Variants in AEBP1 observed in about 807,000 individuals in gnomAD.
AEBP1 encodes adipocyte enhancer-binding protein 1.
A neutral mutation model predicts 116.5 loss-of-function variants in AEBP1; 69 were observed. The observed-to-expected ratio is 0.59, with a 90% CI of 0.49 to 0.72. The LOEUF is 0.72. Ranked by LOEUF, AEBP1 falls within the 30% of genes least tolerant of loss-of-function variation. The pLI, the probability that AEBP1 is intolerant of heterozygous loss-of-function variation, is 0.00. For synonymous variants in AEBP1, 627 were observed against 627.3 expected (o/e 1.00, Z 0.01); for missense variants, 1,444 against 1,557.5 (o/e 0.93, Z 1.23).
In AEBP1 at chr7:44,113,595, C is replaced by T; in HGVS notation, c.2811C>T (p.Ala937=). 1.2e-6 allele frequency: 2 copies of T among 1,609,550 alleles called. No individual in the cohort carries two copies. The highest frequency in any genetic ancestry group is 1.7e-6 in the Non-Finnish European group (2 of 1,178,904). ...VSGINHGVKT[A]SGGDYWRILN... ...AGCCGGATCGTTCTCCCTCCGCAGC[C>T]AGTGGTGGTGATTACTGGCGAATCT... Residue 937 remains alanine, a splice_region_variant and synonymous_variant, in exon 21 of 21, where the codon GCC becomes GCT. Transcript: ENST00000223357. The surrounding 1 kb of genome is among the most constrained non-coding windows in gnomAD (Gnocchi z 5.3).
chr7:44,113,177 C>T lies in AEBP1; in HGVS notation c.2709+47C>T, dbSNP rs1381108508. The stretch of plus-strand genomic sequence containing the variant: ...CTGGGGAGAGGAGGCTGCACAGGCT[C>T]CTGGATGGGCGGGAGGGAGCAGCGG... On this transcript the variant is annotated intron_variant, in intron 19 of 20. Coordinates refer to ENST00000223357, the MANE Select transcript of AEBP1 (RefSeq NM_001129.5). The surrounding 1 kb of genome is among the most constrained non-coding windows in gnomAD (Gnocchi z 5.3). The T allele has an allele frequency of 1.9e-6, 3 of 1,613,072 alleles. No homozygotes were observed. Among genetic ancestry groups the T allele is most frequent in the African/African-American group, 2.7e-5 (2 of 74,822 alleles).
chr7:44,111,048 T>C lies in AEBP1; in HGVS notation c.1621T>C (p.Ser541Pro). 1 of 1,609,950 alleles carries C rather than the reference T, an allele frequency of 6.2e-7. No individual in the cohort carries two copies. Among genetic ancestry groups the C allele is most frequent in the Non-Finnish European group, 8.5e-7 (1 of 1,177,368 alleles). The stretch of plus-strand genomic sequence containing the variant: ...CATGCGCCTGGAGGTGCTGGGGTGC[T>C]CTGTGGCCCGTGAGTGTGGAGGGCT... ...LCMRLEVLGC[S>P]VAPVYSYYAQ... Residue 541 changes from serine (S) to proline (P), a missense_variant, in exon 13 of 21, where the codon TCT becomes CCT. Ser to Pro is a moderately conservative substitution (Grantham distance 74). Transcript: ENST00000223357. The surrounding 1 kb of genome is among the most constrained non-coding windows in gnomAD (Gnocchi z 4.7).
chr7:44,110,490 C>A, intron 11 of AEBP1, 144 bp downstream of exon 11: 2 of 1,275,930 alleles, frequency 1.6e-6, no homozygotes, highest in Non-Finnish European at 1.1e-6. Flanking sequence ...TCACCCTGCC[C>A]ATCCCCACTC....
chr7:44,104,605 A>T lies in AEBP1; in HGVS notation c.-61A>T, dbSNP rs917657328. On this transcript the variant is annotated 5_prime_UTR_variant, in exon 1 of 21. Transcript: ENST00000223357. ...CTCGATCCCCTCTCCGCCCTTTCCC[A>T]GAGACCCAGAGCCCCTGACCCCCCG... 22 of 1,190,894 alleles carry T rather than the reference A, an allele frequency of 1.8e-5. No homozygotes were observed. The highest frequency in any genetic ancestry group is 2.3e-5 in the Non-Finnish European group (21 of 909,016). 73.8% of individuals were successfully genotyped at this position (1,190,894 alleles called of 1,614,324 possible). A position where few individuals can be genotyped will look rare whatever the true frequency, so the allele number is the denominator to read the frequency against.
At chr7:44,106,464 A>C in intron 1 of AEBP1, 82 bp from the exon 2 acceptor site, 1 of 1,390,450 alleles carries the variant, frequency 7.2e-7, no homozygotes, top group Non-Finnish European at 9.7e-7. Flanking sequence ...CCCTGTGCCC[A>C]GGTTCTGGGC....
In AEBP1 at chr7:44,113,146, C is replaced by T. The variant is rs766494446; in HGVS notation, c.2709+16C>T. On this transcript the variant is annotated intron_variant, in intron 19 of 20. Transcript: ENST00000223357. This position sits in a 1 kb window ranked among gnomAD's most constrained non-coding sequence, Gnocchi z 5.3. ...CATGGAGCAGGTGGGGTGGCTAGGGCAATGCCTGGGGAGAGGAGGCTGCAC... is the reference window on the plus strand; with the variant it reads ...CATGGAGCAGGTGGGGTGGCTAGGGTAATGCCTGGGGAGAGGAGGCTGCAC... 2.1e-5 allele frequency: 34 copies of T among 1,613,558 alleles called. No individual in the cohort carries two copies. Among genetic ancestry groups the T allele is most frequent in the Non-Finnish European group, 2.7e-5 (32 of 1,179,826 alleles).
rs758274269 is a variant in AEBP1 at position 44,110,315 on chromosome 7, G to T, written c.1369G>T (p.Val457Phe). 1 of 1,613,584 alleles carries T rather than the reference G, an allele frequency of 6.2e-7. No individual in the cohort carries two copies. The highest frequency in any genetic ancestry group is 8.5e-7 in the Non-Finnish European group (1 of 1,180,026). Residue 457 changes from valine to phenylalanine, a missense_variant, in exon 11 of 21, where the codon GTC (valine) becomes TTC (phenylalanine). Val to Phe is a conservative substitution (Grantham distance 50, BLOSUM62 -1). Transcript: ENST00000223357. ...DTRRTTRFTGVITQGRDSSIH... is the reference protein window; with the variant it reads ...DTRRTTRFTGFITQGRDSSIH... The stretch of plus-strand genomic sequence containing the variant: ...CAGGAGGACTACCCGGTTCACAGGC[G>T]TCATCACCCAGGGCAGAGACTCCAG...
In AEBP1 at chr7:44,107,260, A is replaced by C. The variant is rs748648584; in HGVS notation, c.596-179A>C. On this transcript the variant is annotated intron_variant, in intron 2 of 20. Transcript: ENST00000223357. This position sits in a 1 kb window ranked among gnomAD's most constrained non-coding sequence, Gnocchi z 4.3. ...AAGGTGGGCCCAGCTCTCTGGCCCCATGAGATGCCAGCAGGATGCTGAAGG... is the reference window on the plus strand; with the variant it reads ...AAGGTGGGCCCAGCTCTCTGGCCCCCTGAGATGCCAGCAGGATGCTGAAGG... 2.6e-5 allele frequency among the ~76,000 whole-genome samples: 4 copies of C among 152,144 alleles called. No individual in the cohort carries two copies. The highest frequency in any genetic ancestry group is 5.9e-5 in the Non-Finnish European group (4 of 68,020).
rs1322486574 is a variant in AEBP1, at chr7:44,110,303, C to T, written c.1357C>T (p.Arg453Trp). 6.8e-6 allele frequency: 11 copies of T among 1,613,574 alleles called. No individual in the cohort carries two copies. Among genetic ancestry groups the T allele is most frequent in the East Asian group, 4.5e-5 (2 of 44,902 alleles). The change falls in exon 11 of 21, where the codon CGG becomes TGG. Residue 453 changes from arginine to tryptophan, a missense_variant. Transcript: ENST00000223357. ...WIEVDTRRTTRFTGVITQGRD... is the reference protein window; with the variant it reads ...WIEVDTRRTTWFTGVITQGRD... ...AGAGGTGGACACCAGGAGGACTACC[C>T]GGTTCACAGGCGTCATCACCCAGGG...
rs2096223209 is a variant in AEBP1 at position 44,106,678 on chromosome 7, A to G, written c.386A>G (p.Lys129Arg). The stretch of plus-strand genomic sequence containing the variant: ...AAGGAGAAGCCACCCAAGGCCACCA[A>G]GAAGCCCAAGGAGAAGCCACCTAAG... ...KGKEKPPKAT[K>R]KPKEKPPKAT... is the part of the protein sequence containing the mutation. The change falls in exon 2 of 21, where the codon AAG becomes AGG. Residue 129 changes from lysine to arginine, a missense_variant. Transcript: ENST00000223357. 6.2e-7 allele frequency: 1 copy of G among 1,612,784 alleles called. No individual in the cohort carries two copies. The highest frequency in any genetic ancestry group is 8.5e-7 in the Non-Finnish European group (1 of 1,179,686).
chr7:44,111,940 T>C lies in AEBP1; in HGVS notation c.1927T>C (p.Cys643Arg). The change falls in exon 16 of 21, where the codon TGC (cysteine) becomes CGC (arginine). Residue 643 changes from cysteine to arginine, a missense_variant. Cys to Arg is a radical substitution (Grantham distance 180). Transcript: ENST00000223357. This position sits in a 1 kb window ranked among gnomAD's most constrained non-coding sequence, Gnocchi z 4.7. ...ELLLLLMQYL[C>R]REYRDGNPRV... ...GTTGCTGCTGCTCATGCAGTACCTG[T>C]GCCGAGAGTACCGCGATGGGAACCC... The C allele has an allele frequency of 1.1e-5, 18 of 1,613,818 alleles. No individual in the cohort carries two copies. Among genetic ancestry groups the C allele is most frequent in the Non-Finnish European group, 1.5e-5 (18 of 1,180,000 alleles).
chr7:44,107,794 C>A lies in AEBP1; in HGVS notation c.740-15C>A, dbSNP rs774319124. 3.1e-6 allele frequency: 5 copies of A among 1,612,366 alleles called. No homozygotes were observed. In the South Asian group the frequency reaches 5.5e-5, roughly 18 times the overall value. On this transcript the variant is annotated splice_polypyrimidine_tract_variant and intron_variant, in intron 4 of 20. Coordinates refer to ENST00000223357, the MANE Select transcript of AEBP1 (RefSeq NM_001129.5). The surrounding 1 kb of genome is among the most constrained non-coding windows in gnomAD (Gnocchi z 4.3). ...CCCAGCCTTGGGCCCCACTCTGAGC[C>A]AGCCTCCCCCTCAGTTGAGTACATT...
chr7:44,106,606 T>C lies in AEBP1; in HGVS notation c.314T>C (p.Val105Ala), dbSNP rs1182171250. 6.2e-7 allele frequency: 1 copy of C among 1,611,090 alleles called. No individual in the cohort carries two copies. ...KKGKKDKGPK[V>A]PKESLEGSPR... ...GGCAAGAAAGACAAAGGCCCCAAGG[T>C]GCCCAAGGAGTCCTTGGAGGGGTCC... Residue 105 changes from valine to alanine, a missense_variant, in exon 2 of 21, where the codon GTG becomes GCG. Coordinates refer to ENST00000223357, the MANE Select transcript of AEBP1 (RefSeq NM_001129.5).
chr7:44,104,505 ACTCT>A lies in AEBP1; in HGVS notation c.-159_-156del, dbSNP rs1229757894. On this transcript the variant is annotated 5_prime_UTR_variant, in exon 1 of 21. Coordinates refer to ENST00000223357, the MANE Select transcript of AEBP1 (RefSeq NM_001129.5). ...CGGGTCCCCTCGCCCACCCTAATCC[ACTCT>A]CCCTCCCTTTCCCGGATTCCCTCGC... The A allele has an allele frequency of 2.5e-6, 1 of 393,818 alleles. No homozygotes were observed. The highest frequency in any genetic ancestry group is 4.4e-5 in the East Asian group (1 of 22,604). 24.4% of individuals were successfully genotyped at this position (393,818 alleles called of 1,614,324 possible).
In AEBP1 at chr7:44,106,809, C is replaced by T. The variant is rs769637012; in HGVS notation, c.517C>T (p.Leu173=). 2 of 1,610,678 alleles carry T rather than the reference C, an allele frequency of 1.2e-6. No homozygotes were observed. Among genetic ancestry groups the T allele is most frequent in the African/African-American group, 1.3e-5 (1 of 74,930 alleles). Residue 173 remains leucine, a synonymous_variant, in exon 2 of 21, where the codon CTG becomes TTG. Coordinates refer to ENST00000223357, the MANE Select transcript of AEBP1 (RefSeq NM_001129.5). ...CCCGTCAGGGAAGAGGCCCCCCATTCTGGCTCCCTCAGAAACCCTGGAGTG... is the reference window on the plus strand; with the variant it reads ...CCCGTCAGGGAAGAGGCCCCCCATTTTGGCTCCCTCAGAAACCCTGGAGTG... The part of the protein sequence containing the change: ...KPPSGKRPPI[L]APSETLEWPL...
rs759121064 is a variant in AEBP1, at chr7:44,108,043, CT to C, written c.900del (p.Asp301ThrfsTer7). On this transcript the variant is annotated frameshift_variant, in exon 6 of 21. Transcript: ENST00000223357. LOFTEE classifies it high-confidence loss of function. This position sits in a 1 kb window ranked among gnomAD's most constrained non-coding sequence, Gnocchi z 5.0. ...AAGCCTCTGCTGCCCCCGCTGCCCC[CT>C]GACTATGGTGATGGTTACGTGATCC... ...PVKPLLPPLP[P>X]DYGDGYVIPN... The C allele has an allele frequency of 3.1e-6, 5 of 1,600,728 alleles. No individual in the cohort carries two copies. The South Asian group carries it at 3.4e-5, about 11-fold the overall frequency.
chr7:44,106,523 A>C (rs2096223021), intron 1 of AEBP1, 23 bp from the exon 2 acceptor site: 1 of 1,563,442 alleles, frequency 6.4e-7, no homozygotes, highest in Non-Finnish European at 8.6e-7. Context: ...TGTTCATTTG[A>C]CACGAGTCTG....
At position 44,113,773 on chromosome 7, in the gene AEBP1, A is replaced by G. The variant is rs1180572882; in HGVS notation, c.2989A>G (p.Asn997Asp). The G allele has an allele frequency of 1.2e-6, 2 of 1,614,068 alleles. No individual in the cohort carries two copies. The highest frequency in any genetic ancestry group is 1.7e-6 in the Non-Finnish European group (2 of 1,179,970). The change falls in exon 21 of 21, where the codon AAC becomes GAC. Residue 997 changes from asparagine (N) to aspartate (D), a missense_variant. Asn to Asp is a conservative substitution (Grantham distance 23). Transcript: ENST00000223357. The surrounding 1 kb of genome is among the most constrained non-coding windows in gnomAD (Gnocchi z 5.3). ...GCGCATCCGGGAGATCATGGCCATG[A>G]ACGGGAACCGGCCTATCCCACACAT... ...WKRIREIMAMNGNRPIPHIDP... is the reference protein window; with the variant it reads ...WKRIREIMAMDGNRPIPHIDP...
rs772476113 is a variant in AEBP1, at chr7:44,110,914, C to T, written c.1487C>T (p.Thr496Ile). ...VMYTNGYEEM[T>I]FHGNVDKDTP... Reference sequence around the variant, plus strand: ...GCTCTGAGGCCTGCCTCTCCCCAGACCTTTCATGGGAACGTGGACAAGGAC... The same window carrying T: ...GCTCTGAGGCCTGCCTCTCCCCAGATCTTTCATGGGAACGTGGACAAGGAC... The change falls in exon 13 of 21, where the codon ACC (threonine) becomes ATC (isoleucine). Residue 496 changes from threonine (T) to isoleucine (I), a missense_variant and splice_region_variant. Transcript: ENST00000223357. The T allele has an allele frequency of 5.0e-6, 8 of 1,613,954 alleles. No homozygotes were observed. In the South Asian group the frequency reaches 7.7e-5, roughly 16 times the overall value.
Sources: allele counts gnomAD v4.1 joint callset (sites outside exome capture counted in the v4.1 genomes callset), GRCh38; gene constraint gnomAD v4.1.1; non-coding constraint Gnocchi (gnomAD v3.1); transcripts MANE v1.5; gene names NCBI Gene and HGNC (gene_info 2026-07-23, HGNC 2026-07-21).